Variants in SLCO1B1 observed in about 807,000 individuals in gnomAD.
SLCO1B1 encodes the protein OATP-2.
In SLCO1B1, 81 loss-of-function variants were observed where a neutral mutation model predicts 70.1. The ratio of observed to expected loss-of-function variants is 1.16; its 90% confidence interval spans 0.97 to 1.39. The LOEUF is 1.39. Among genes scored for constraint, SLCO1B1 ranks in the 40% most tolerant of loss-of-function variants. The pLI is 0.00. For missense variants in SLCO1B1, 895 were observed against 799.6 expected (o/e 1.12, Z -1.44); for synonymous variants, 283 against 271.5 (o/e 1.04, Z -0.42).
intron 11 of SLCO1B1, among the ~76,000 whole-genome samples, chr12:21,214,597 G>A (rs926529535): frequency 1.0e-4 from 14 of 138,590 alleles, no homozygotes; most frequent in Non-Finnish European, 1.9e-4. Flanking sequence ...CGCCCACTTC[G>A]AGCTTCCAGG....
chr12:21,226,813 G>T (rs568637162), intron 14 of SLCO1B1, among the ~76,000 whole-genome samples: 41 of 152,142 alleles, frequency 2.7e-4, no homozygotes, highest in African/African-American at 9.6e-4. Context: ...TATGTGTGGG[G>T]CGGGGAGTAT....
At position 21,197,189 on chromosome 12, in the gene SLCO1B1, G is replaced by A. The variant is rs763360503; in HGVS notation, c.970+1G>A. On this transcript the variant is annotated splice_donor_variant, in intron 8 of 14. Coordinates refer to ENST00000256958, the MANE Select transcript of SLCO1B1 (RefSeq NM_006446.5). LOFTEE classifies it high-confidence loss of function. ...AAAAATATTACCAAAAATGTGACTG[G>A]TAAGTATTTAACATTCATTGTCAAT... 6.2e-7 allele frequency: 1 copy of A among 1,612,504 alleles called. No homozygotes were observed. The highest frequency in any genetic ancestry group is 1.1e-5 in the South Asian group (1 of 91,010).
chr12:21,227,628 A>G (rs899543701), intron 14 of SLCO1B1, among the ~76,000 whole-genome samples: 2 of 152,172 alleles, frequency 1.3e-5, no homozygotes, highest in African/African-American at 2.4e-5. Context: ...AACTTCATAA[A>G]TTTATCTTAA....
intron 13 of SLCO1B1, among the ~76,000 whole-genome samples, chr12:21,223,902 T>TAAA (rs905679664): frequency 6.6e-6 from 1 of 152,132 alleles, no homozygotes; most frequent in African/African-American, 2.4e-5. Flanking sequence ...GATGGACACT[T>TAAA]ATTATATAAA....
Position 21,150,696 on chromosome 12 carries a change from C to G in SLCO1B1, c.84+9038C>G, listed in dbSNP as rs558254700. On this transcript the variant is annotated intron_variant, in intron 2 of 14. Coordinates refer to ENST00000256958, the MANE Select transcript of SLCO1B1 (RefSeq NM_006446.5). ...CACAAAAACCCCATCTGAAAGGCAC[C>G]AACATCAAAGACCAAAGGTAGATAA... 1.6e-4 allele frequency among the ~76,000 whole-genome samples: 25 copies of G among 152,190 alleles called. 1 individual carries two copies. In the South Asian group the frequency reaches 3.9e-3, roughly 24 times the overall value.
chr12:21,224,634 T>G, intron 13 of SLCO1B1, 88 bp from the exon 14 acceptor site: 1 of 860,816 alleles, frequency 1.2e-6, no homozygotes, highest in South Asian at 1.4e-5. Context: ...TGAACTTTTA[T>G]TTAATCAAAA....
intron 10 of SLCO1B1, 141 bp downstream of exon 10, chr12:21,202,827 A>G: frequency 1.5e-6 from 1 of 681,406 alleles, no homozygotes; most frequent in Non-Finnish European, 2.4e-6. Flanking sequence ...AATTTTTAAA[A>G]TATCTGTTTC....
intron 14 of SLCO1B1, among the ~76,000 whole-genome samples, chr12:21,237,904 G>A (rs1384791841): frequency 1.3e-5 from 2 of 151,910 alleles, no homozygotes; most frequent in East Asian, 1.9e-4. Flanking sequence ...TGGTATAGAC[G>A]GGGTTTCACC....
intron 13 of SLCO1B1, among the ~76,000 whole-genome samples, chr12:21,223,340 C>T (rs190767887): frequency 2.6e-4 from 39 of 152,070 alleles, no homozygotes; most frequent in Admixed American, 9.8e-4. Context: ...ATACAATAAA[C>T]GTGTAAATTG....
chr12:21,204,397 A>T (rs1338950454), intron 10 of SLCO1B1, among the ~76,000 whole-genome samples: 2 of 151,880 alleles, frequency 1.3e-5, no homozygotes, highest in Non-Finnish European at 2.9e-5. Context: ...AAATTTTCTT[A>T]GTATTACTTT....
intron 7 of SLCO1B1, among the ~76,000 whole-genome samples, chr12:21,184,143 G>C (rs1001778670): frequency 6.6e-6 from 1 of 152,060 alleles, no homozygotes; most frequent in African/African-American, 2.4e-5. Flanking sequence ...TCCTGAGAGA[G>C]AAAAAGAGAG....
chr12:21,131,460 T>C (rs1940132658), intron 1 of SLCO1B1, among the ~76,000 whole-genome samples: 1 of 152,072 alleles, frequency 6.6e-6, no homozygotes, highest in South Asian at 2.1e-4. Flanking sequence ...AATACCTTTA[T>C]ATATTTAAAT....
chr12:21,170,252 G>T (rs1304917105), intron 2 of SLCO1B1, among the ~76,000 whole-genome samples: 1 of 152,150 alleles, frequency 6.6e-6, no homozygotes, highest in Admixed American at 6.5e-5. Flanking sequence ...GCATTGCACA[G>T]GGTGGAGTGA....
rs189018370 is a variant in SLCO1B1 at position 21,156,673 on chromosome 12, A to C, written c.84+15015A>C. Reference sequence around the variant, plus strand: ...AAACAATGTAGGTTTATAAACAAGAACCTTTAAAAAAGCATAATACTGATG... The same window carrying C: ...AAACAATGTAGGTTTATAAACAAGACCCTTTAAAAAAGCATAATACTGATG... On this transcript the variant is annotated intron_variant, in intron 2 of 14. Transcript: ENST00000256958. Among the ~76,000 whole-genome samples, 165 of 152,302 alleles carry C rather than the reference A, an allele frequency of 1.1e-3. 1 individual carries two copies. Among genetic ancestry groups the C allele is most frequent in the African/African-American group, 3.8e-3 (159 of 41,562 alleles).
intron 14 of SLCO1B1, among the ~76,000 whole-genome samples, chr12:21,230,579 C>T (rs1358188700): frequency 6.6e-6 from 1 of 152,016 alleles, no homozygotes; most frequent in Non-Finnish European, 1.5e-5. Flanking sequence ...ATCCGCCCAC[C>T]TCGGCCTCTC....
At chr12:21,231,036 C>T (rs1565445585) in intron 14 of SLCO1B1, among the ~76,000 whole-genome samples, 2 of 143,812 alleles carry the variant, frequency 1.4e-5, no homozygotes, top group Non-Finnish European at 3.0e-5. Context: ...AGTGTTCTCA[C>T]TGTTCAATTC....
At chr12:21,164,781 C>T (rs1940664368) in intron 2 of SLCO1B1, 1 of 470,022 alleles carries the variant, frequency 2.1e-6, no homozygotes, top group Admixed American at 2.3e-5. Context: ...GACTTAGCCC[C>T]AATGTCAACA....
chr12:21,181,800 T>G (rs374811640), intron 7 of SLCO1B1, among the ~76,000 whole-genome samples: 1 of 151,976 alleles, frequency 6.6e-6, no homozygotes, highest in Non-Finnish European at 1.5e-5. Flanking sequence ...TTGAAAAAAT[T>G]TGGGGAGATT....
At chr12:21,215,304 G>A (rs181086269) in intron 11 of SLCO1B1, among the ~76,000 whole-genome samples, 83 of 152,208 alleles carry the variant, frequency 5.5e-4, no homozygotes, top group Non-Finnish European at 1.3e-4. Flanking sequence ...ATATGAAGTT[G>A]GCTGTGGTTT....
Sources: gnomAD v4.1 joint callset for allele counts (sites outside exome capture counted in the v4.1 genomes callset) on GRCh38, gnomAD v4.1.1 for gene constraint, MANE v1.5 for transcripts, NCBI Gene and HGNC (gene_info 2026-07-23, HGNC 2026-07-21) for gene names.